The following DOCK3 variants were observed in gnomAD, a reference collection of about 807,000 sequenced individuals.
The protein encoded by DOCK3 is dedicator of cytokinesis 3.
A neutral mutation model predicts 265.6 loss-of-function variants in DOCK3; 60 were observed. That is an observed-to-expected ratio of 0.23 (90% CI 0.18 to 0.28). DOCK3 has a LOEUF of 0.28. DOCK3 is among the 10% of genes least tolerant of loss of function. The pLI is 1.00. For missense variants in DOCK3, 1,981 were observed against 2,594.3 expected (o/e 0.76, Z 5.14); for synonymous variants, 881 against 938.0 (o/e 0.94, Z 1.11).
chr3:51,348,757 G>T, intron 38 of DOCK3, 95 bp from the exon 39 acceptor site: 1 of 1,264,374 alleles, frequency 7.9e-7, no homozygotes, highest in African/African-American at 1.5e-5. Context: ...GAGCTGGCGG[G>T]AGACCTTTTG....
intron 1 of DOCK3, among the ~76,000 whole-genome samples, chr3:50,714,636 A>C (rs2036985282): frequency 1.3e-5 from 2 of 152,130 alleles, no homozygotes; most frequent in South Asian, 4.1e-4. Flanking sequence ...TTTTTTGTAG[A>C]GATGGAGTCT....
intron 2 of DOCK3, among the ~76,000 whole-genome samples, chr3:50,819,696 T>C (rs1463916974): frequency 6.6e-6 from 1 of 152,214 alleles, no homozygotes; most frequent in African/African-American, 2.4e-5. Context: ...GCACAGTGGC[T>C]CATGCCTGTA....
chr3:51,078,836 G>T (rs1470713421), intron 7 of DOCK3, among the ~76,000 whole-genome samples: 3 of 152,008 alleles, frequency 2.0e-5, no homozygotes. Flanking sequence ...TAAATCAAAA[G>T]GTCTACTGTG....
chr3:50,827,080 C>T (rs2044802304), intron 2 of DOCK3, among the ~76,000 whole-genome samples: 1 of 151,840 alleles, frequency 6.6e-6, no homozygotes, highest in Non-Finnish European at 1.5e-5. Flanking sequence ...GAATATTGGA[C>T]CAAGAAGATT....
chr3:51,057,975 A>C (rs1027746973), intron 5 of DOCK3, among the ~76,000 whole-genome samples: 1 of 152,194 alleles, frequency 6.6e-6, no homozygotes, highest in African/African-American at 2.4e-5. Flanking sequence ...TAGTGGCTTA[A>C]AATAACTATA....
chr3:50,853,903 G>A (rs1288069277), intron 3 of DOCK3, among the ~76,000 whole-genome samples: 1 of 149,032 alleles, frequency 6.7e-6, no homozygotes, highest in Non-Finnish European at 1.5e-5. Flanking sequence ...GCTTTCCACA[G>A]GGGCTGAACT....
At chr3:50,692,644 T>C (rs760267630) in intron 1 of DOCK3, among the ~76,000 whole-genome samples, 12 of 152,222 alleles carry the variant, frequency 7.9e-5, no homozygotes, top group Admixed American at 2.0e-4. Context: ...TTATCAGATA[T>C]ATGGTTTGCA....
intron 7 of DOCK3, among the ~76,000 whole-genome samples, chr3:51,086,201 G>C (rs1277778823): frequency 6.6e-6 from 1 of 152,228 alleles, no homozygotes; most frequent in African/African-American, 2.4e-5. Context: ...GATGGGTTTG[G>C]CTAGTTATCT....
chr3:50,914,875 T>C (rs2050038554), intron 4 of DOCK3, among the ~76,000 whole-genome samples: 1 of 152,078 alleles, frequency 6.6e-6, no homozygotes, highest in South Asian at 2.1e-4. Context: ...CTTGGTGTCA[T>C]GTTTGACATG....
chr3:50,944,999 C>A (rs1053547217), intron 5 of DOCK3, among the ~76,000 whole-genome samples: 1 of 152,008 alleles, frequency 6.6e-6, no homozygotes, highest in Non-Finnish European at 1.5e-5. Flanking sequence ...AAATAAAAAC[C>A]CAAAAAAGCT....
intron 23 of DOCK3, among the ~76,000 whole-genome samples, chr3:51,264,654 C>T (rs1316793219): frequency 1.3e-5 from 2 of 151,460 alleles, no homozygotes; most frequent in Non-Finnish European, 1.5e-5. Context: ...GGTGAAACCC[C>T]GTCTCTACTA....
intron 4 of DOCK3, among the ~76,000 whole-genome samples, chr3:50,930,892 A>T (rs1038169117): frequency 3.6e-4 from 55 of 152,216 alleles, no homozygotes; most frequent in African/African-American, 1.2e-3. Context: ...CTTCCCCCGA[A>T]GCGTGGCCCC....
At chr3:51,207,003 G>T (rs979249626) in intron 12 of DOCK3, among the ~76,000 whole-genome samples, 7 of 152,154 alleles carry the variant, frequency 4.6e-5, no homozygotes, top group Non-Finnish European at 1.0e-4. Flanking sequence ...TCTTGGCCTT[G>T]TAGATCAGGA....
intron 19 of DOCK3, among the ~76,000 whole-genome samples, chr3:51,230,439 G>A (rs1297356352): frequency 6.6e-6 from 1 of 152,132 alleles, no homozygotes; most frequent in South Asian, 2.1e-4. Flanking sequence ...TTGCTGCAAA[G>A]GACATGATTT....
chr3:51,240,845 T>C (rs921530193), intron 21 of DOCK3, among the ~76,000 whole-genome samples: 11 of 152,222 alleles, frequency 7.2e-5, no homozygotes, highest in Non-Finnish European at 1.5e-4. Context: ...ATGGGTCTCT[T>C]TGAAGACAGC....
chr3:51,316,609 A>G (rs1576774216), intron 32 of DOCK3, among the ~76,000 whole-genome samples: 1 of 152,352 alleles, frequency 6.6e-6, no homozygotes, highest in Middle Eastern at 3.4e-3. Flanking sequence ...TGCTCCGCAT[A>G]CTAACCAGTA....
At chr3:50,951,565 A>T (rs1268243027) in intron 5 of DOCK3, among the ~76,000 whole-genome samples, 1 of 152,204 alleles carries the variant, frequency 6.6e-6, no homozygotes, top group Non-Finnish European at 1.5e-5. Context: ...ATTCATCTAC[A>T]TCAGTGGAAC....
intron 23 of DOCK3, among the ~76,000 whole-genome samples, chr3:51,263,088 C>G (rs571969770): frequency 3.0e-4 from 45 of 152,042 alleles, no homozygotes; most frequent in Non-Finnish European, 4.9e-4. Flanking sequence ...AGATACTCCT[C>G]GAGAAGAGCA....
chr3:50,881,711 A>G (rs552361085), intron 3 of DOCK3, among the ~76,000 whole-genome samples: 8 of 152,332 alleles, frequency 5.3e-5, no homozygotes, highest in South Asian at 2.1e-4. Context: ...TATAGATTCA[A>G]TGCTGTCCCC....
Sources: allele counts gnomAD v4.1 joint callset (sites outside exome capture counted in the v4.1 genomes callset), GRCh38; gene constraint gnomAD v4.1.1; transcripts MANE v1.5; gene names NCBI Gene and HGNC (gene_info 2026-07-23, HGNC 2026-07-21).